CDH2: variants seen among roughly 807,000 people sequenced by gnomAD.
The protein encoded by CDH2 is cadherin-2.
Under a neutral mutation model 92.0 loss-of-function variants are expected in CDH2, and 17 were observed. That is an observed-to-expected ratio of 0.18 (90% CI 0.13 to 0.28). The LOEUF (loss-of-function observed/expected upper bound fraction) is 0.28. Ranked by LOEUF, CDH2 falls within the 10% of genes least tolerant of loss-of-function variation. The probability of loss-of-function intolerance (pLI) is 1.00; values close to 1 mark genes in which losing one functional copy is unlikely to be tolerated. For missense variants in CDH2, 862 were observed against 1,133.1 expected, an observed-to-expected ratio of 0.76 and a Z score of 3.44; for synonymous variants, 419 against 415.9, an observed-to-expected ratio of 1.01 and a Z score of -0.09.
chr18:28,093,163 T>C (rs1415887175), intron 2 of CDH2, among the ~76,000 whole-genome samples: 1 of 152,122 alleles, frequency 6.6e-6, no homozygotes, highest in Admixed American at 6.5e-5. Context: ...TTGATGACTA[T>C]GTGAAGCTTT....
At chr18:27,986,217 G>A (rs191820349) in intron 11 of CDH2, among the ~76,000 whole-genome samples, 3 of 152,100 alleles carry the variant, frequency 2.0e-5, no homozygotes, top group African/African-American at 4.8e-5. Flanking sequence ...TTGACTTAAC[G>A]CAACAGTCTA....
intron 2 of CDH2, among the ~76,000 whole-genome samples, chr18:28,131,274 A>C (rs1433905007): frequency 6.6e-6 from 1 of 152,222 alleles, no homozygotes. Flanking sequence ...TAGGAACTAA[A>C]AAAAAATTAT....
chr18:28,166,040 T>G (rs1277330647), intron 1 of CDH2, among the ~76,000 whole-genome samples: 1 of 150,534 alleles, frequency 6.6e-6, no homozygotes, highest in Non-Finnish European at 1.5e-5. Flanking sequence ...CACAAACAGA[T>G]AAGTAATATC....
intron 2 of CDH2, among the ~76,000 whole-genome samples, chr18:28,071,909 T>C (rs2014625228): frequency 6.6e-6 from 1 of 152,202 alleles, no homozygotes; most frequent in Non-Finnish European, 1.5e-5. Flanking sequence ...TTTATGCGAC[T>C]TTTAATGATA....
intron 2 of CDH2, among the ~76,000 whole-genome samples, chr18:28,046,328 C>T (rs2014074811): frequency 6.6e-6 from 1 of 152,010 alleles, no homozygotes; most frequent in African/African-American, 2.4e-5. Flanking sequence ...TAGAAAAAAT[C>T]TGGAGGATAA....
At chr18:28,107,648 C>T (rs1425026998) in intron 2 of CDH2, among the ~76,000 whole-genome samples, 2 of 152,070 alleles carry the variant, frequency 1.3e-5, no homozygotes, top group Admixed American at 1.3e-4. Flanking sequence ...CTCTTCTCAA[C>T]TGTATAAAGA....
At chr18:27,952,383 TGAAA>T in intron 15 of CDH2, 24 bp from the exon 16 acceptor site, 2 of 1,593,684 alleles carry the variant, frequency 1.3e-6, no homozygotes, top group Non-Finnish European at 1.7e-6. Flanking sequence ...ACACAAAGAA[TGAAA>T]GAATTAAGAG....
chr18:28,057,043 T>C (rs2014306350), intron 2 of CDH2, among the ~76,000 whole-genome samples: 1 of 152,164 alleles, frequency 6.6e-6, no homozygotes, highest in South Asian at 2.1e-4. Context: ...GGAGCTCTAA[T>C]CAGATCTTTA....
At chr18:28,046,934 G>A (rs1318739815) in intron 2 of CDH2, among the ~76,000 whole-genome samples, 1 of 152,160 alleles carries the variant, frequency 6.6e-6, no homozygotes, top group Non-Finnish European at 1.5e-5. Flanking sequence ...CAGCCTTAAG[G>A]CAGGTATGCA....
chr18:27,982,264 T>G (rs2012079944), intron 14 of CDH2, among the ~76,000 whole-genome samples: 2 of 152,210 alleles, frequency 1.3e-5, no homozygotes, highest in Non-Finnish European at 2.9e-5. Context: ...GATTTTTGTT[T>G]TCCATTTATG....
rs757548378 is a variant in CDH2, at chr18:27,990,288, T to C, written c.1407A>G (p.Pro469=). 2.9e-5 allele frequency: 46 copies of C among 1,613,766 alleles called. No individual in the cohort carries two copies. The Admixed American group carries it at 7.3e-4, about 26-fold the overall frequency. The part of the protein sequence containing the change: ...VLTVAAENQV[P]LAKGIQHPPQ... ...GGGGGTGCTGAATTCCCTTGGCTAA[T>C]GGCACTTGATTTTCTGCAGCAACAG... is the stretch of plus-strand genomic sequence containing the variant. Residue 469 remains proline (P), a synonymous_variant, in exon 10 of 16, where the codon CCA becomes CCG. Coordinates refer to ENST00000269141, the MANE Select transcript of CDH2 (RefSeq NM_001792.5).
rs761560273 is a variant in CDH2 at position 28,013,941 on chromosome 18, T to C, written c.173-32A>G. ...AAGATAAGAAATAGGTCAGTTATTA[T>C]AATTATACCAAAAAGGCAAAAAAAA... On this transcript the variant is annotated intron_variant, in intron 2 of 15. Transcript: ENST00000269141. 3.2e-6 allele frequency: 5 copies of C among 1,544,740 alleles called. No homozygotes were observed. The East Asian group carries it at 1.1e-4, about 35-fold the overall frequency.
chr18:28,148,098 G>C (rs1294385451), intron 1 of CDH2, among the ~76,000 whole-genome samples: 2 of 152,164 alleles, frequency 1.3e-5, no homozygotes, highest in East Asian at 3.9e-4. Context: ...CGTGGGGTTT[G>C]GGGGACAGCC....
intron 2 of CDH2, among the ~76,000 whole-genome samples, chr18:28,122,183 G>A: frequency 6.6e-6 from 1 of 151,960 alleles, no homozygotes; most frequent in East Asian, 1.9e-4. Context: ...ATGTTTTAAG[G>A]CTTAGCTCAG....
intron 2 of CDH2, among the ~76,000 whole-genome samples, chr18:28,043,000 C>T (rs1279011396): frequency 2.0e-5 from 3 of 152,178 alleles, no homozygotes. Flanking sequence ...CTGTTTCTGG[C>T]ACTGCCAGTC....
chr18:28,106,916 T>C (rs1009691232), intron 2 of CDH2, among the ~76,000 whole-genome samples: 1 of 152,136 alleles, frequency 6.6e-6, no homozygotes, highest in African/African-American at 2.4e-5. Context: ...CAAAATTATA[T>C]ACAAAGGGAC....
At position 28,149,493 on chromosome 18, in the gene CDH2, C is replaced by T. The variant is rs75084177; in HGVS notation, c.61-1709G>A. Among the ~76,000 whole-genome samples, 520 of 152,258 alleles carry T rather than the reference C, an allele frequency of 3.4e-3. 17 individuals are homozygous for T. In the East Asian group the frequency reaches 0.083, roughly 24 times the overall value. On this transcript the variant is annotated intron_variant, in intron 1 of 15. Transcript: ENST00000269141. Reference sequence around the variant, plus strand: ...GATGACTATTTAGTAAGTTCAGAAACCCATTTGTGTGACATCCCAAATTCA... The same window carrying T: ...GATGACTATTTAGTAAGTTCAGAAATCCATTTGTGTGACATCCCAAATTCA...
At chr18:28,143,535 A>C (rs777717531) in intron 2 of CDH2, among the ~76,000 whole-genome samples, 4 of 151,978 alleles carry the variant, frequency 2.6e-5, no homozygotes, top group South Asian at 2.1e-4. Flanking sequence ...TTTTAATTAT[A>C]AGGAGTTGCT....
chr18:28,068,561 ATGC>A (rs2014554791), intron 2 of CDH2, among the ~76,000 whole-genome samples: 1 of 152,236 alleles, frequency 6.6e-6, no homozygotes, highest in African/African-American at 2.4e-5. Context: ...ACAGCTTATA[ATGC>A]AGATATTCTG....
Sources: allele counts gnomAD v4.1 joint callset (sites outside exome capture counted in the v4.1 genomes callset), GRCh38; gene constraint gnomAD v4.1.1; transcripts MANE v1.5; gene names NCBI Gene and HGNC (gene_info 2026-07-23, HGNC 2026-07-21).